Variants in DNMT3B observed in about 807,000 individuals in gnomAD.
DNMT3B encodes the protein DNA methyltransferase 3 beta.
DNMT3B carries 37 observed loss-of-function variants against 120.2 expected under a neutral mutation model. That is an observed-to-expected ratio of 0.31 (90% CI 0.24 to 0.40). The LOEUF (loss-of-function observed/expected upper bound fraction) is 0.40. Among genes scored for constraint, DNMT3B ranks in the 10% least tolerant of loss-of-function variants. The pLI is 1.00. For synonymous variants in DNMT3B, 412 were observed against 442.8 expected, an observed-to-expected ratio of 0.93 and a Z score of 0.87; for missense variants, 878 against 1,137.3, an observed-to-expected ratio of 0.77 and a Z score of 3.28.
intron 1 of DNMT3B, among the ~76,000 whole-genome samples, chr20:32,769,323 G>A (rs947099492): frequency 6.6e-6 from 1 of 152,060 alleles, no homozygotes. Flanking sequence ...TCCTGACCTC[G>A]TGATCTGCCC....
At chr20:32,773,790 T>C (rs1175845769) in intron 1 of DNMT3B, among the ~76,000 whole-genome samples, 1 of 151,842 alleles carries the variant, frequency 6.6e-6, no homozygotes, top group Non-Finnish European at 1.5e-5. Context: ...GGCCGACACA[T>C]TCAGCTAATT....
intron 18 of DNMT3B, 142 bp from the exon 19 acceptor site, chr20:32,801,136 C>A: frequency 1.5e-6 from 2 of 1,314,006 alleles, no homozygotes; most frequent in Non-Finnish European, 2.2e-6. Flanking sequence ...TGTGTCCCTG[C>A]TGTCATTCAG....
At chr20:32,763,974 C>T (rs1332625403) in intron 1 of DNMT3B, among the ~76,000 whole-genome samples, 2 of 152,196 alleles carry the variant, frequency 1.3e-5, no homozygotes, top group Non-Finnish European at 2.9e-5. Flanking sequence ...CCTGCTGGGG[C>T]TTCTTGTTCA....
In DNMT3B at chr20:32,762,639, GC is replaced by G; in HGVS notation, c.-65del. ...CTGCACGGCCGCCAGCCGGCCTCCC[GC>G]CAGCCAGCCCCGACCCGCGGCTCCG... On this transcript the variant is annotated 5_prime_UTR_variant, in exon 1 of 23. Coordinates refer to ENST00000328111, the MANE Select transcript of DNMT3B (RefSeq NM_006892.4). The G allele has an allele frequency of 3.6e-6, 1 of 274,796 alleles. No homozygotes were observed. The highest frequency in any genetic ancestry group is 7.6e-6 in the Non-Finnish European group (1 of 132,070). The allele number at this position is 274,796 out of a possible 1,614,324, so 17.0% of individuals were successfully genotyped here. A position where few individuals can be genotyped will look rare whatever the true frequency, so the allele number is the denominator to read the frequency against.
At chr20:32,784,883 A>G (rs1421314678) in intron 4 of DNMT3B, 24 bp downstream of exon 4, 2 of 1,612,506 alleles carry the variant, frequency 1.2e-6, no homozygotes, top group Non-Finnish European at 1.7e-6. Context: ...CCTCGAGCCA[A>G]AGCACTTGTG....
intron 1 of DNMT3B, among the ~76,000 whole-genome samples, chr20:32,776,616 T>C (rs377215764): frequency 7.2e-5 from 11 of 152,196 alleles, no homozygotes; most frequent in Non-Finnish European, 1.5e-4. Flanking sequence ...TCTGTCTTGG[T>C]TTCTCCATCT....
At chr20:32,796,972 AT>A (rs1489493258) in intron 13 of DNMT3B, 103 bp downstream of exon 13, 1 of 1,613,656 alleles carries the variant, frequency 6.2e-7, no homozygotes, top group African/African-American at 1.3e-5. Context: ...AAGCCCACTC[AT>A]CCCAGCTGCC....
chr20:32,777,135 G>T (rs1601065325), intron 1 of DNMT3B, among the ~76,000 whole-genome samples: 1 of 152,202 alleles, frequency 6.6e-6, no homozygotes, highest in African/African-American at 2.4e-5. Context: ...GCATATATAA[G>T]TGCTCAGCTT....
chr20:32,790,508 C>G (rs1321088907), intron 7 of DNMT3B, among the ~76,000 whole-genome samples: 1 of 147,402 alleles, frequency 6.8e-6, no homozygotes, highest in Non-Finnish European at 1.5e-5. Flanking sequence ...GGCGCTGGAA[C>G]CAGCACTTGT....
chr20:32,805,404 C>T lies in DNMT3B; in HGVS notation c.2298C>T (p.Ala766=), dbSNP rs1374851708. 8.1e-6 allele frequency: 13 copies of T among 1,613,914 alleles called. No individual in the cohort carries two copies. In the South Asian group the frequency reaches 1.2e-4, roughly 15 times the overall value. Residue 766 remains alanine, a synonymous_variant, in exon 21 of 23, where the codon GCC becomes GCT. Coordinates refer to ENST00000328111, the MANE Select transcript of DNMT3B (RefSeq NM_006892.4). ...LQDCLEYNRI[A]KLKKVQTITT... ...ACTGCTTGGAATACAATAGGATAGC[C>T]AAGGTAAGACGAGCTGTGGCCCTCT...
At chr20:32,776,718 GAA>G (rs200031823) in intron 1 of DNMT3B, among the ~76,000 whole-genome samples, 2,712 of 152,194 alleles carry the variant, frequency 0.018, 37 homozygotes, top group Non-Finnish European at 0.028. Flanking sequence ...TAGTAACACT[GAA>G]AAAAAGATGA....
intron 1 of DNMT3B, among the ~76,000 whole-genome samples, chr20:32,773,373 G>A (rs1052779756): frequency 6.6e-6 from 1 of 152,136 alleles, no homozygotes; most frequent in African/African-American, 2.4e-5. Flanking sequence ...ATGACCTAGA[G>A]GCACTGAGCA....
At chr20:32,792,408 C>T (rs1018915293) in intron 8 of DNMT3B, among the ~76,000 whole-genome samples, 6 of 152,118 alleles carry the variant, frequency 3.9e-5, no homozygotes, top group Non-Finnish European at 7.4e-5. Context: ...CTATTTGGTG[C>T]CTGCATGAAA....
rs867188309 is a variant in DNMT3B at position 32,786,686 on chromosome 20, A to C, written c.432+59A>C. Reference sequence around the variant, plus strand: ...AGTCTCTAACTGGGAGATATGCCTCACTCACTGCACTACTGGTTGTGGCTG... The same window carrying C: ...AGTCTCTAACTGGGAGATATGCCTCCCTCACTGCACTACTGGTTGTGGCTG... On this transcript the variant is annotated intron_variant, in intron 5 of 22. Coordinates refer to ENST00000328111, the MANE Select transcript of DNMT3B (RefSeq NM_006892.4). 30 of 1,609,626 alleles carry C rather than the reference A, an allele frequency of 1.9e-5. 1 individual carries two copies. The South Asian group carries it at 3.2e-4, about 17-fold the overall frequency.
At chr20:32,773,581 T>G (rs1987875045) in intron 1 of DNMT3B, among the ~76,000 whole-genome samples, 1 of 151,342 alleles carries the variant, frequency 6.6e-6, no homozygotes, top group Admixed American at 6.6e-5. Context: ...TTTCACAGAT[T>G]ATAAAACTGG....
chr20:32,800,759 GC>G, intron 17 of DNMT3B, 75 bp from the exon 18 acceptor site: 1 of 1,516,774 alleles, frequency 6.6e-7, no homozygotes, highest in Admixed American at 1.7e-5. Context: ...CCAGCCCCAC[GC>G]AAGATTCTAG....
intron 20 of DNMT3B, 128 bp downstream of exon 20, chr20:32,802,598 C>T (rs1981486455): frequency 2.1e-6 from 2 of 971,176 alleles, no homozygotes; most frequent in African/African-American, 3.2e-5. Flanking sequence ...TTTCAGACCA[C>T]CTGTGGTCGT....
Position 32,805,359 on chromosome 20 carries a change from T to C in DNMT3B, c.2253T>C (p.Asn751=). 1 of 1,614,140 alleles carries C rather than the reference T, an allele frequency of 6.2e-7. No homozygotes were observed. Among genetic ancestry groups the C allele is most frequent in the South Asian group, 1.1e-5 (1 of 91,082 alleles). ...GMNRPVIASK[N]DKLELQDCLE... ...CCAGGCCCGTGATAGCATCAAAGAATGATAAACTCGAGCTGCAGGACTGCT... is the reference window on the plus strand; with the variant it reads ...CCAGGCCCGTGATAGCATCAAAGAACGATAAACTCGAGCTGCAGGACTGCT... The change falls in exon 21 of 23, where the codon AAT becomes AAC. Residue 751 remains asparagine, a synonymous_variant. Coordinates refer to ENST00000328111, the MANE Select transcript of DNMT3B (RefSeq NM_006892.4).
At chr20:32,782,556 A>G (rs1978752600) in intron 3 of DNMT3B, among the ~76,000 whole-genome samples, 1 of 152,266 alleles carries the variant, frequency 6.6e-6, no homozygotes, top group South Asian at 2.1e-4. Flanking sequence ...ACACTAGGTC[A>G]TAAACCATGG....
Sources: allele counts gnomAD v4.1 joint callset (sites outside exome capture counted in the v4.1 genomes callset), GRCh38; gene constraint gnomAD v4.1.1; transcripts MANE v1.5; gene names NCBI Gene and HGNC (gene_info 2026-07-23, HGNC 2026-07-21).